The following DENND4A variants were observed in gnomAD, a reference collection of about 807,000 sequenced individuals.
DENND4A encodes C-myc promoter-binding protein.
In DENND4A, 70 loss-of-function variants were observed where a neutral mutation model predicts 199.3. That is an observed-to-expected ratio of 0.35 (90% confidence interval 0.29 to 0.43). The LOEUF is 0.43. DENND4A is among the 20% of genes least tolerant of loss of function. The pLI is 1.00. For synonymous variants in DENND4A, 686 were observed against 766.9 expected, an observed-to-expected ratio of 0.89 and a Z score of 1.74; for missense variants, 1,723 against 2,255.8, an observed-to-expected ratio of 0.76 and a Z score of 4.78.
intron 1 of DENND4A, among the ~76,000 whole-genome samples, chr15:65,784,797 G>A (rs1455752819): frequency 2.6e-5 from 4 of 152,032 alleles, no homozygotes; most frequent in Non-Finnish European, 5.9e-5. Flanking sequence ...CCAAGCAGGA[G>A]GAGGCCACTC....
At chr15:65,762,006 GTTA>G (rs1446103974) in intron 1 of DENND4A, among the ~76,000 whole-genome samples, 1 of 152,056 alleles carries the variant, frequency 6.6e-6, no homozygotes, top group Non-Finnish European at 1.5e-5. Context: ...TTTTGTTGTT[GTTA>G]TTGTTGTTGT....
rs1292835747 is a variant in DENND4A, at chr15:65,787,147, ATC to A, written c.-102+4861_-102+4862del. The stretch of plus-strand genomic sequence containing the variant: ...TTTTTAAAACTTTTCAAAAATAAAA[ATC>A]TCTCATCTACAAAACAATATTACAA... On this transcript the variant is annotated intron_variant, in intron 1 of 32. Coordinates refer to ENST00000443035, the MANE Select transcript of DENND4A (RefSeq NM_001320835.1). Among the ~76,000 whole-genome samples, 32 of 152,310 alleles carry A rather than the reference ATC, an allele frequency of 2.1e-4. No individual in the cohort carries two copies. The East Asian group carries it at 4.0e-3, about 19-fold the overall frequency.
Position 65,669,904 on chromosome 15 carries a change from T to G in DENND4A, c.4662A>C (p.Pro1554=), listed in dbSNP as rs754026101. The change falls in exon 27 of 33, where the codon CCA becomes CCC. Residue 1554 remains proline, a synonymous_variant. Transcript: ENST00000443035. ...ATGGAAAGTGCATATTTTCTGTTGA[T>G]GGGCTTGACTTTAGAAAGTATCTGT... ...RPGRYFLKSS[P]STENMHFPSS... 10 of 1,613,918 alleles carry G rather than the reference T, an allele frequency of 6.2e-6. No individual in the cohort carries two copies. Among genetic ancestry groups the G allele is most frequent in the Non-Finnish European group, 8.5e-6 (10 of 1,179,828 alleles).
At chr15:65,698,978 C>T (rs959577466) in intron 20 of DENND4A, among the ~76,000 whole-genome samples, 4 of 151,924 alleles carry the variant, frequency 2.6e-5, no homozygotes, top group African/African-American at 9.7e-5. Context: ...CCTCAAGTGA[C>T]CTGCCTGCCT....
At chr15:65,738,151 G>A (rs993406742) in intron 6 of DENND4A, among the ~76,000 whole-genome samples, 47 of 152,240 alleles carry the variant, frequency 3.1e-4, no homozygotes, top group African/African-American at 1.1e-3. Context: ...ACTACTGAAA[G>A]AAAAGGTGTT....
intron 24 of DENND4A, among the ~76,000 whole-genome samples, chr15:65,674,622 G>A (rs2076316936): frequency 6.6e-6 from 1 of 151,818 alleles, no homozygotes; most frequent in African/African-American, 2.4e-5. Flanking sequence ...GTGCACGCCT[G>A]TAGTCCCAGC....
In DENND4A at chr15:65,661,753, T is replaced by C. The variant is rs1348995119; in HGVS notation, c.*98A>G. The C allele has an allele frequency of 2.8e-6, 3 of 1,086,710 alleles. No homozygotes were observed. Among genetic ancestry groups the C allele is most frequent in the Admixed American group, 2.9e-5 (1 of 34,522 alleles). 67.3% of individuals were successfully genotyped at this position (1,086,710 alleles called of 1,614,324 possible). ...TCTTTTGAACCATTTACAAATTGTA[T>C]TTTCAAAAATTGAAGAAAAAATATT... On this transcript the variant is annotated 3_prime_UTR_variant, in exon 33 of 33. Transcript: ENST00000443035.
intron 14 of DENND4A, among the ~76,000 whole-genome samples, chr15:65,714,728 T>A (rs747333076): frequency 1.3e-5 from 2 of 152,228 alleles, no homozygotes; most frequent in African/African-American, 4.8e-5. Context: ...GCTCTTCTCA[T>A]CCTGTTTAGG....
chr15:65,783,429 T>C (rs2077484921), intron 1 of DENND4A, among the ~76,000 whole-genome samples: 1 of 152,232 alleles, frequency 6.6e-6, no homozygotes, highest in Non-Finnish European at 1.5e-5. Context: ...TTTACCTCAA[T>C]ATAGATACAG....
chr15:65,762,359 C>T (rs1003673820), intron 1 of DENND4A, among the ~76,000 whole-genome samples: 11 of 151,862 alleles, frequency 7.2e-5, no homozygotes, highest in Non-Finnish European at 1.5e-5. Context: ...CTCAGTGGCT[C>T]ACGTCTGTAA....
intron 1 of DENND4A, among the ~76,000 whole-genome samples, chr15:65,772,900 C>T (rs1325940697): frequency 1.3e-5 from 2 of 149,730 alleles, no homozygotes; most frequent in African/African-American, 4.9e-5. Context: ...AGCAGTCTGC[C>T]ACCCAAAAGT....
In DENND4A at chr15:65,668,034, A is replaced by G. The variant is rs749046554; in HGVS notation, c.4877T>C (p.Phe1626Ser). ...AGTACTAATACTCCTGGCCATTGGA[A>G]ATATTGGACATTTAGACATAGCTGT... ...SKTAMSKCPI[F>S]PMARSISTSG... The change falls in exon 28 of 33, where the codon TTT becomes TCT. Residue 1626 changes from phenylalanine to serine, a missense_variant. Transcript: ENST00000443035. The G allele has an allele frequency of 1.9e-6, 3 of 1,612,604 alleles. No homozygotes were observed. Among genetic ancestry groups the G allele is most frequent in the Middle Eastern group, 3.3e-4 (2 of 6,058 alleles).
intron 32 of DENND4A, 144 bp from the exon 33 acceptor site, chr15:65,662,131 G>T: frequency 1.4e-6 from 1 of 707,370 alleles, no homozygotes; most frequent in Non-Finnish European, 2.3e-6. Context: ...AAGGACCACA[G>T]CTGGATTGCA....
chr15:65,744,835 T>G (rs896258761), intron 4 of DENND4A, among the ~76,000 whole-genome samples: 2 of 152,176 alleles, frequency 1.3e-5, no homozygotes, highest in African/African-American at 4.8e-5. Context: ...GAGTCATTTC[T>G]GAATAAAAAA....
intron 14 of DENND4A, among the ~76,000 whole-genome samples, chr15:65,711,108 C>A (rs2075236624): frequency 6.6e-6 from 1 of 152,140 alleles, no homozygotes; most frequent in African/African-American, 2.4e-5. Context: ...CCAAATAAGG[C>A]AAACACAAAA....
At position 65,660,039 on chromosome 15, in the gene DENND4A, T is replaced by A; in HGVS notation, c.*1812A>T. The stretch of plus-strand genomic sequence containing the variant: ...CTCTTGGAGGGATGTTTATCACCAG[T>A]GCCAAAAGCCTCCCCCCTCTGAAAT... On this transcript the variant is annotated 3_prime_UTR_variant, in exon 33 of 33. Coordinates refer to ENST00000443035, the MANE Select transcript of DENND4A (RefSeq NM_001320835.1). 1 of 432,500 alleles carries A rather than the reference T, an allele frequency of 2.3e-6. No individual in the cohort carries two copies. Among genetic ancestry groups the A allele is most frequent in the Non-Finnish European group, 4.1e-6 (1 of 242,288 alleles). The allele number at this position is 432,500 out of a possible 1,614,324, so 26.8% of individuals were successfully genotyped here. A position where few individuals can be genotyped will look rare whatever the true frequency, so the allele number is the denominator to read the frequency against.
Position 65,701,184 on chromosome 15 carries a change from C to T in DENND4A, c.2568G>A (p.Leu856=), listed in dbSNP as rs201972348. The stretch of plus-strand genomic sequence containing the variant: ...GACTTCTTGAAGGCCAGGTACTTTC[C>T]AAAACAGCCTATTCATTCAACAAAA... ...ITYGYYNKAV[L]ESTWPSRSRS... The change falls in exon 19 of 33, where the codon TTG becomes TTA. Residue 856 remains leucine, a synonymous_variant. Transcript: ENST00000443035. 1 of 1,580,802 alleles carries T rather than the reference C, an allele frequency of 6.3e-7. No individual in the cohort carries two copies. Among genetic ancestry groups the T allele is most frequent in the Non-Finnish European group, 8.5e-7 (1 of 1,169,630 alleles).
intron 7 of DENND4A, among the ~76,000 whole-genome samples, chr15:65,737,156 G>C (rs999341879): frequency 1.3e-5 from 2 of 151,928 alleles, no homozygotes; most frequent in Middle Eastern, 3.2e-3. Flanking sequence ...TCTGCTTCCC[G>C]GGTTCAAGTG....
At chr15:65,759,948 G>T (rs1011367211) in intron 2 of DENND4A, among the ~76,000 whole-genome samples, 1 of 151,596 alleles carries the variant, frequency 6.6e-6, no homozygotes, top group Non-Finnish European at 1.5e-5. Context: ...TTTTTTAAAG[G>T]GTACAATGAA....
Sources: allele counts gnomAD v4.1 joint callset (sites outside exome capture counted in the v4.1 genomes callset), GRCh38; gene constraint gnomAD v4.1.1; transcripts MANE v1.5; gene names NCBI Gene and HGNC (gene_info 2026-07-23, HGNC 2026-07-21).